ZC3H18: variants seen among roughly 807,000 people sequenced by gnomAD.
ZC3H18 encodes zinc finger CCCH-type containing 18.
In ZC3H18, 8 loss-of-function variants were observed where a neutral mutation model predicts 106.1. The ratio of observed to expected loss-of-function variants is 0.08; its 90% confidence interval spans 0.04 to 0.14. The LOEUF (loss-of-function observed/expected upper bound fraction) is 0.14, where lower values mean the gene tolerates loss of function less well. ZC3H18 is among the 10% of genes least tolerant of loss of function. ZC3H18 has a pLI of 1.00. For missense variants in ZC3H18, 1,318 were observed against 1,278.4 expected (o/e 1.03, Z -0.47); for synonymous variants, 635 against 522.1 (o/e 1.22, Z -2.95).
chr16:88,596,809 T>C (rs1471489911), intron 3 of ZC3H18, among the ~76,000 whole-genome samples: 3 of 152,238 alleles, frequency 2.0e-5, no homozygotes, highest in Admixed American at 2.0e-4. Context: ...CATGAAGAGC[T>C]CTGTAGTGTG....
chr16:88,584,819 A>G (rs1915341588), intron 2 of ZC3H18, among the ~76,000 whole-genome samples: 1 of 152,214 alleles, frequency 6.6e-6, no homozygotes, highest in Admixed American at 6.5e-5. Flanking sequence ...TGCAGAAACA[A>G]TGCTACATCT....
intron 2 of ZC3H18, among the ~76,000 whole-genome samples, chr16:88,586,001 G>A (rs1320864952): frequency 6.6e-6 from 1 of 152,140 alleles, no homozygotes; most frequent in Non-Finnish European, 1.5e-5. Context: ...GACAGTGGGT[G>A]GCTTGGGGAG....
In ZC3H18 at chr16:88,628,525, A is replaced by C. The variant is rs1906459297; in HGVS notation, c.2470-233A>C. On this transcript the variant is annotated intron_variant, in intron 15 of 17. Transcript: ENST00000301011. ...TCCTAGAGTGGCCCCCGTGGGGAGC[A>C]GGAAGGCCTGCAGGGTGCTTCCCCT... is the stretch of plus-strand genomic sequence containing the variant. 3 of 567,912 alleles carry C rather than the reference A, an allele frequency of 5.3e-6. No homozygotes were observed. The East Asian group carries it at 9.0e-5, about 17-fold the overall frequency. 35.2% of individuals were successfully genotyped at this position (567,912 alleles called of 1,614,324 possible).
chr16:88,593,575 G>GT (rs1474604490), intron 3 of ZC3H18, among the ~76,000 whole-genome samples: 2 of 152,250 alleles, frequency 1.3e-5, no homozygotes, highest in Non-Finnish European at 1.5e-5. Flanking sequence ...GCGTGGTGGA[G>GT]TGGCAGCGTG....
intron 8 of ZC3H18, among the ~76,000 whole-genome samples, chr16:88,614,280 C>T (rs1349287001): frequency 2.0e-5 from 3 of 152,264 alleles, no homozygotes; most frequent in East Asian, 1.9e-4. Flanking sequence ...CCTCAGAGAC[C>T]TGGCAGCCAT....
intron 15 of ZC3H18, 96 bp downstream of exon 15, chr16:88,628,215 T>C: frequency 7.2e-7 from 1 of 1,383,816 alleles, no homozygotes; most frequent in Non-Finnish European, 9.9e-7. Flanking sequence ...GGAGCCTGAG[T>C]GAGGGCGAGT....
intron 8 of ZC3H18, among the ~76,000 whole-genome samples, chr16:88,619,273 CAAAAA>C (rs1013036973): frequency 2.6e-5 from 4 of 151,162 alleles, no homozygotes; most frequent in African/African-American, 7.3e-5. Context: ...GGCTCTGTCT[CAAAAA>C]AAAGAAAAAA....
At chr16:88,583,590 G>C (rs570820334) in intron 2 of ZC3H18, among the ~76,000 whole-genome samples, 3 of 152,322 alleles carry the variant, frequency 2.0e-5, no homozygotes, top group East Asian at 3.9e-4. Context: ...TTTTATAAAG[G>C]CTCTTAAAAT....
At chr16:88,602,746 C>T (rs1349059275) in intron 6 of ZC3H18, among the ~76,000 whole-genome samples, 1 of 152,170 alleles carries the variant, frequency 6.6e-6, no homozygotes, top group Admixed American at 6.5e-5. Flanking sequence ...CTCCTGGACT[C>T]AAGCAATCCT....
chr16:88,623,926 G>T (rs1906128061), intron 10 of ZC3H18, 32 bp from the exon 11 acceptor site: 1 of 1,582,976 alleles, frequency 6.3e-7, no homozygotes, highest in East Asian at 2.3e-5. Context: ...ACACCCCCAG[G>T]CCCCTTCCGA....
intron 6 of ZC3H18, among the ~76,000 whole-genome samples, chr16:88,606,737 T>C (rs982386912): frequency 6.6e-5 from 10 of 152,228 alleles, no homozygotes; most frequent in African/African-American, 1.2e-4. Flanking sequence ...CTGAGTGTTA[T>C]AATTCAGTGT....
intron 3 of ZC3H18, 99 bp downstream of exon 3, chr16:88,586,783 G>A (rs1002648581): frequency 5.5e-6 from 5 of 911,870 alleles, no homozygotes; most frequent in Non-Finnish European, 8.8e-6. Context: ...TCTGCTCAAG[G>A]CAGTTCTCTG....
At chr16:88,619,215 AG>A (rs903447259) in intron 8 of ZC3H18, among the ~76,000 whole-genome samples, 2 of 152,116 alleles carry the variant, frequency 1.3e-5, no homozygotes, top group African/African-American at 4.8e-5. Context: ...CAGAGCTTGC[AG>A]TGAGCCAAGA....
intron 2 of ZC3H18, among the ~76,000 whole-genome samples, chr16:88,584,586 A>T (rs564576671): frequency 5.3e-5 from 8 of 152,304 alleles, no homozygotes; most frequent in Non-Finnish European, 1.0e-4. Flanking sequence ...GCACACCAAT[A>T]TGTACAGCCC....
intron 2 of ZC3H18, among the ~76,000 whole-genome samples, chr16:88,582,913 A>G (rs1915218839): frequency 6.6e-6 from 1 of 152,016 alleles, no homozygotes; most frequent in East Asian, 1.9e-4. Context: ...ACCGTTTTAG[A>G]CCCTGTGTTG....
intron 7 of ZC3H18, among the ~76,000 whole-genome samples, chr16:88,610,632 T>A (rs1455382837): frequency 6.6e-6 from 1 of 152,224 alleles, no homozygotes; most frequent in Non-Finnish European, 1.5e-5. Flanking sequence ...GCGTTGTGAT[T>A]GGACTTTATT....
intron 2 of ZC3H18, among the ~76,000 whole-genome samples, chr16:88,582,397 G>T (rs958335181): frequency 6.6e-6 from 1 of 151,696 alleles, no homozygotes; most frequent in Admixed American, 6.6e-5. Context: ...GCTGATTTTT[G>T]TATTTTTAGT....
intron 16 of ZC3H18, 188 bp from the exon 17 acceptor site, chr16:88,630,297 C>T (rs1355068506): frequency 7.3e-6 from 4 of 545,206 alleles, no homozygotes; most frequent in Non-Finnish European, 1.3e-5. Context: ...GCCTCATTTC[C>T]AGATGCCTTG....
intron 7 of ZC3H18, among the ~76,000 whole-genome samples, chr16:88,610,109 A>G (rs1182872380): frequency 2.6e-5 from 4 of 152,086 alleles, no homozygotes; most frequent in African/African-American, 9.7e-5. Flanking sequence ...AGACTGGTCT[A>G]TACTGAGATT....
Sources: allele counts gnomAD v4.1 joint callset (sites outside exome capture counted in the v4.1 genomes callset), GRCh38; gene constraint gnomAD v4.1.1; transcripts MANE v1.5; gene names NCBI Gene and HGNC (gene_info 2026-07-23, HGNC 2026-07-21).